The following CREBBP variants were observed in gnomAD, a reference collection of about 807,000 sequenced individuals.
CREBBP encodes the protein CREB-binding protein.
CREBBP carries 19 observed loss-of-function variants against 265.0 expected under a neutral mutation model. The observed-to-expected ratio is 0.07, with a 90% CI of 0.05 to 0.11. CREBBP has a LOEUF of 0.11. CREBBP is among the 10% of genes least tolerant of loss of function. The pLI is 1.00. For synonymous variants in CREBBP, 1,457 were observed against 1,223.7 expected (o/e 1.19, Z -3.98); for missense variants, 2,525 against 3,219.0 (o/e 0.78, Z 5.22).
chr16:3,792,143 C>T, intron 4 of CREBBP, 49 bp from the exon 5 acceptor site: 1 of 1,406,748 alleles, frequency 7.1e-7, no homozygotes, highest in Non-Finnish European at 1.0e-6. Context: ...CAAATCGTCA[C>T]ACTTTCAATT....
In CREBBP at chr16:3,781,549, T is replaced by G. The variant is rs534306879; in HGVS notation, c.1574-243A>C. Among the ~76,000 whole-genome samples, 16 of 152,040 alleles carry G rather than the reference T, an allele frequency of 1.1e-4. No individual in the cohort carries two copies. In the East Asian group the frequency reaches 3.1e-3, roughly 29 times the overall value. On this transcript the variant is annotated intron_variant, in intron 6 of 30. Transcript: ENST00000262367. ...ACTCTACTTTGTAACCAAAGTAAGGTGTGTTTATGGAGGTTAGCTGCTATC... is the reference window on the plus strand; with the variant it reads ...ACTCTACTTTGTAACCAAAGTAAGGGGTGTTTATGGAGGTTAGCTGCTATC...
chr16:3,876,509 A>G (rs2055406879), intron 1 of CREBBP, among the ~76,000 whole-genome samples: 1 of 151,428 alleles, frequency 6.6e-6, no homozygotes, highest in Non-Finnish European at 1.5e-5. Context: ...TCTGATGTTG[A>G]AAGACACAAT....
chr16:3,832,490 T>G (rs1484192914), intron 2 of CREBBP, among the ~76,000 whole-genome samples: 1 of 152,216 alleles, frequency 6.6e-6, no homozygotes, highest in Admixed American at 6.5e-5. Flanking sequence ...TGTGGGAACT[T>G]ACACTTTGGG....
At chr16:3,841,982 G>A (rs999083518) in intron 2 of CREBBP, among the ~76,000 whole-genome samples, 1 of 152,130 alleles carries the variant, frequency 6.6e-6, no homozygotes, top group African/African-American at 2.4e-5. Flanking sequence ...CAAAATGATG[G>A]CTGACTGAGT....
intron 1 of CREBBP, among the ~76,000 whole-genome samples, chr16:3,851,984 GC>G (rs2054851552): frequency 8.0e-6 from 1 of 124,478 alleles, no homozygotes; most frequent in Non-Finnish European, 1.6e-5. Flanking sequence ...CTTGCAGTGA[GC>G]TGAGATCGTG....
chr16:3,789,470 T>C (rs1295083396), intron 5 of CREBBP, among the ~76,000 whole-genome samples: 2 of 152,200 alleles, frequency 1.3e-5, no homozygotes, highest in Non-Finnish European at 2.9e-5. Context: ...AGAATGCTGA[T>C]TGCACTGACT....
chr16:3,829,381 T>C (rs1487930796), intron 2 of CREBBP, among the ~76,000 whole-genome samples: 1 of 152,182 alleles, frequency 6.6e-6, no homozygotes, highest in Non-Finnish European at 1.5e-5. Flanking sequence ...GTTCACACCA[T>C]TAAAATGGAG....
At chr16:3,793,939 TACTATACCAGCTGG>T in intron 3 of CREBBP, among the ~76,000 whole-genome samples, 1 of 152,320 alleles carries the variant, frequency 6.6e-6, no homozygotes, top group Non-Finnish European at 1.5e-5. Context: ...AAAAGCTGTG[TACTATACCAGCTGG>T]ACCATATGAA....
At chr16:3,758,145 A>G in intron 17 of CREBBP, 97 bp from the exon 18 acceptor site, 1 of 1,330,072 alleles carries the variant, frequency 7.5e-7, no homozygotes, top group Non-Finnish European at 1.0e-6. Context: ...AGAAACAGAA[A>G]GCACCAAAAT....
intron 2 of CREBBP, among the ~76,000 whole-genome samples, chr16:3,818,276 C>A (rs1029198348): frequency 1.3e-5 from 2 of 151,378 alleles, no homozygotes; most frequent in African/African-American, 4.9e-5. Context: ...GCAACAAGTG[C>A]CGAGTTTGAT....
chr16:3,759,841 T>A (rs751009230), intron 16 of CREBBP, among the ~76,000 whole-genome samples: 35 of 152,184 alleles, frequency 2.3e-4, no homozygotes, highest in African/African-American at 8.2e-4. Flanking sequence ...TTTTCACTAA[T>A]ACAAACATAA....
chr16:3,737,577 C>T lies in CREBBP; in HGVS notation c.4395-762G>A, dbSNP rs906978388. Among the ~76,000 whole-genome samples, 7 of 151,698 alleles carry T rather than the reference C, an allele frequency of 4.6e-5. No homozygotes were observed. In the South Asian group the frequency reaches 6.3e-4, roughly 14 times the overall value. ...CTGGTTCGAGTGGCTCTCCTGCCCCCACCTCCTGAGGAGCTGGGATTACGC... is the reference window on the plus strand; with the variant it reads ...CTGGTTCGAGTGGCTCTCCTGCCCCTACCTCCTGAGGAGCTGGGATTACGC... On this transcript the variant is annotated intron_variant, in intron 26 of 30. Coordinates refer to ENST00000262367, the MANE Select transcript of CREBBP (RefSeq NM_004380.3).
chr16:3,807,034 T>G (rs130038), intron 3 of CREBBP, among the ~76,000 whole-genome samples: 5,333 of 152,296 alleles, frequency 0.035, 109 homozygotes, highest in Non-Finnish European at 0.052. Context: ...TTGGAGCAGT[T>G]TGTAACGATT....
chr16:3,876,325 C>T (rs907130876), intron 1 of CREBBP, among the ~76,000 whole-genome samples: 5 of 148,676 alleles, frequency 3.4e-5, no homozygotes, highest in African/African-American at 1.3e-4. Context: ...TAGGCATGAG[C>T]CACCACCCTG....
chr16:3,780,704 T>G, intron 8 of CREBBP, 28 bp downstream of exon 8: 1 of 1,612,636 alleles, frequency 6.2e-7, no homozygotes, highest in African/African-American at 1.3e-5. Context: ...AAATCAAACA[T>G]CTATGAAACT....
At chr16:3,776,545 G>C (rs2053142237) in intron 11 of CREBBP, among the ~76,000 whole-genome samples, 1 of 152,168 alleles carries the variant, frequency 6.6e-6, no homozygotes. Flanking sequence ...CTAGGGCCAA[G>C]AGCAGCCCGT....
In CREBBP at chr16:3,729,310, G is replaced by C. The variant is rs2051846024; in HGVS notation, c.5737C>G (p.Pro1913Ala). Residue 1913 changes from proline (P) to alanine (A), a missense_variant, in exon 31 of 31, where the codon CCC becomes GCC. Physicochemically the swap from Pro to Ala is conservative, Grantham distance 27. Coordinates refer to ENST00000262367, the MANE Select transcript of CREBBP (RefSeq NM_004380.3). ...AAGCCAGCTGGTGACATGCTCACGG[G>C]TGAGGGTTGGGGCTGGGCAGGGGGC... ...PQPPAQPQPS[P>A]VSMSPAGFPS... The C allele has an allele frequency of 6.4e-7, 1 of 1,554,550 alleles. No homozygotes were observed. The highest frequency in any genetic ancestry group is 1.4e-5 in the African/African-American group (1 of 73,550).
At chr16:3,739,511 T>TA in intron 25 of CREBBP, 67 bp downstream of exon 25, 2 of 1,599,376 alleles carry the variant, frequency 1.3e-6, no homozygotes, top group Non-Finnish European at 8.6e-7. Context: ...CTGGGACACT[T>TA]AAGAGCCCTG....
At chr16:3,741,713 GT>G (rs2052212999) in intron 23 of CREBBP, 1 of 152,162 alleles carries the variant, frequency 6.6e-6, no homozygotes, top group Non-Finnish European at 1.5e-5. Context: ...GCTGAGGCGA[GT>G]GGATCACCTG....
Sources: gnomAD v4.1 joint callset for allele counts (sites outside exome capture counted in the v4.1 genomes callset) on GRCh38, gnomAD v4.1.1 for gene constraint, MANE v1.5 for transcripts, NCBI Gene and HGNC (gene_info 2026-07-23, HGNC 2026-07-21) for gene names.